SCYL3: variants seen among roughly 807,000 people sequenced by gnomAD.
SCYL3 encodes SCY1 like pseudokinase 3.
In SCYL3, 35 loss-of-function variants were observed where a neutral mutation model predicts 73.8. The ratio of observed to expected loss-of-function variants is 0.47; its 90% CI spans 0.36 to 0.63. SCYL3 has a LOEUF of 0.63. Among genes scored for constraint, SCYL3 ranks in the 20% least tolerant of loss-of-function variants. The pLI is 0.00. For synonymous variants in SCYL3, 277 were observed against 295.2 expected (o/e 0.94, Z 0.63); for missense variants, 712 against 798.9 (o/e 0.89, Z 1.31).
At chr1:169,856,725 C>T (rs942036789) in intron 11 of SCYL3, among the ~76,000 whole-genome samples, 7 of 152,164 alleles carry the variant, frequency 4.6e-5, no homozygotes, top group Non-Finnish European at 8.8e-5. Context: ...CTCTTTCAGG[C>T]AGACTTAATT....
chr1:169,888,938 A>G (rs1661866158), intron 1 of SCYL3, 48 bp from the exon 2 acceptor site: 1 of 1,115,400 alleles, frequency 9.0e-7, no homozygotes, highest in Admixed American at 3.0e-5. Context: ...CCTATCTGCA[A>G]CATCAACAAG....
intron 5 of SCYL3, among the ~76,000 whole-genome samples, chr1:169,871,476 CT>C (rs1660392244): frequency 6.6e-6 from 1 of 152,196 alleles, no homozygotes; most frequent in Non-Finnish European, 1.5e-5. Context: ...ATTGCCCAGT[CT>C]TGGGTATGTC....
At chr1:169,860,680 A>G (rs536898549) in intron 10 of SCYL3, among the ~76,000 whole-genome samples, 45 of 152,366 alleles carry the variant, frequency 3.0e-4, no homozygotes, top group African/African-American at 1.0e-3. Flanking sequence ...CCCACTGAAT[A>G]TGATAATCAT....
chr1:169,853,640 G>C lies in SCYL3; in HGVS notation c.*73C>G. On this transcript the variant is annotated 3_prime_UTR_variant, in exon 13 of 13. Transcript: ENST00000367771. ...CACTTTGGGGTTTTCTTGTCCCAAA[G>C]CCTGCTTTTGAGGTATTGATTTTTT... The C allele has an allele frequency of 1.3e-6, 2 of 1,531,544 alleles. No homozygotes were observed. Among genetic ancestry groups the C allele is most frequent in the Non-Finnish European group, 9.0e-7 (1 of 1,115,286 alleles). 94.9% of individuals were successfully genotyped at this position (1,531,544 alleles called of 1,614,324 possible).
At chr1:169,855,568 G>C (rs748534476) in intron 11 of SCYL3, among the ~76,000 whole-genome samples, 4 of 152,166 alleles carry the variant, frequency 2.6e-5, no homozygotes, top group Non-Finnish European at 5.9e-5. Context: ...TCAAAGTAAA[G>C]TATCAGTGCA....
intron 5 of SCYL3, among the ~76,000 whole-genome samples, chr1:169,871,363 T>C (rs1297170688): frequency 6.6e-6 from 1 of 152,148 alleles, no homozygotes; most frequent in African/African-American, 2.4e-5. Context: ...AAGGGGAGTT[T>C]CCCTGCATAA....
chr1:169,867,143 C>T (rs939573322), intron 7 of SCYL3, among the ~76,000 whole-genome samples, 170 bp from the exon 8 acceptor site: 5 of 152,166 alleles, frequency 3.3e-5, no homozygotes, highest in African/African-American at 1.2e-4. Flanking sequence ...CTATGGAACA[C>T]GCCTCTGAAA....
At chr1:169,879,031 C>A (rs541573811) in intron 2 of SCYL3, among the ~76,000 whole-genome samples, 1 of 152,196 alleles carries the variant, frequency 6.6e-6, no homozygotes, top group Admixed American at 6.5e-5. Flanking sequence ...AATGGCTCTA[C>A]AGAAATTTCC....
At chr1:169,856,145 A>G (rs1659137443) in intron 11 of SCYL3, among the ~76,000 whole-genome samples, 1 of 152,198 alleles carries the variant, frequency 6.6e-6, no homozygotes. Context: ...GCCTGTCCCT[A>G]GAGGTGTTTA....
At chr1:169,856,649 ATCC>A (rs932715985) in intron 11 of SCYL3, among the ~76,000 whole-genome samples, 74 of 152,146 alleles carry the variant, frequency 4.9e-4, no homozygotes, top group African/African-American at 1.6e-3. Context: ...TTGTGCCACT[ATCC>A]TCCTTGAAGT....
intron 7 of SCYL3, 67 bp downstream of exon 7, chr1:169,868,861 T>C: frequency 3.4e-6 from 4 of 1,166,430 alleles, no homozygotes; most frequent in Non-Finnish European, 5.1e-6. Flanking sequence ...CTGCCACTTA[T>C]CCAAGGCACA....
chr1:169,867,805 T>C (rs12135642), intron 7 of SCYL3, among the ~76,000 whole-genome samples: 10,140 of 152,254 alleles, frequency 0.067, 433 homozygotes, highest in Non-Finnish European at 0.099. Context: ...CAGGTACGGT[T>C]TGTGTGTTTT....
At chr1:169,878,511 C>T in intron 3 of SCYL3, 123 bp downstream of exon 3, 6 of 871,316 alleles carry the variant, frequency 6.9e-6, no homozygotes, top group Non-Finnish European at 1.0e-5. Context: ...AGGAAGTTTT[C>T]TAATAATAAC....
intron 8 of SCYL3, among the ~76,000 whole-genome samples, chr1:169,865,712 C>T (rs973727616): frequency 1.4e-4 from 21 of 152,246 alleles, no homozygotes; most frequent in African/African-American, 4.8e-4. Flanking sequence ...TGCACTCTCA[C>T]TGCTGGAACA....
At chr1:169,882,912 G>A (rs1661398659) in intron 2 of SCYL3, among the ~76,000 whole-genome samples, 1 of 152,146 alleles carries the variant, frequency 6.6e-6, no homozygotes, top group South Asian at 2.1e-4. Context: ...CCGGATAAGA[G>A]AATAAAAGCA....
chr1:169,876,852 G>A (rs1660866386), intron 3 of SCYL3, among the ~76,000 whole-genome samples: 2 of 151,428 alleles, frequency 1.3e-5, no homozygotes, highest in African/African-American at 4.9e-5. Context: ...CTACTCGGGA[G>A]GCTGAGACAG....
rs869158038 is a variant in SCYL3, at chr1:169,850,980, C to CTTTTTTTTTTTTTTTT, written c.*2717_*2732dup. Reference sequence around the variant, plus strand: ...TATTTTGGGTATAATTTAGGCATGGCTTTTTTTTTTTTTTTTTTTTTTTTT... The same window carrying CTTTTTTTTTTTTTTTT: ...TATTTTGGGTATAATTTAGGCATGGCTTTTTTTTTTTTTTTTTTTTTTTTTTTTTTTTTTTTTTTTT... On this transcript the variant is annotated 3_prime_UTR_variant, in exon 13 of 13. Coordinates refer to ENST00000367771, the MANE Select transcript of SCYL3 (RefSeq NM_020423.7). The CTTTTTTTTTTTTTTTT allele has an allele frequency of 3.5e-4, 11 of 31,580 alleles. 1 individual carries two copies. The highest frequency in any genetic ancestry group is 1.4e-3 in the East Asian group (1 of 726). The allele number at this position is 31,580 out of a possible 1,614,324, so 2.0% of individuals were successfully genotyped here.
At chr1:169,890,746 C>A (rs1662026556) in intron 1 of SCYL3, among the ~76,000 whole-genome samples, 1 of 152,208 alleles carries the variant, frequency 6.6e-6, no homozygotes, top group Non-Finnish European at 1.5e-5. Context: ...TTCCTACCTA[C>A]CTGGCAATGT....
intron 11 of SCYL3, 70 bp downstream of exon 11, chr1:169,858,971 C>T (rs1484291107): frequency 2.3e-5 from 31 of 1,357,760 alleles, no homozygotes; most frequent in Non-Finnish European, 2.7e-5. Context: ...GACCCTCCTA[C>T]ATTACTTATA....
Sources: allele counts gnomAD v4.1 joint callset (sites outside exome capture counted in the v4.1 genomes callset), GRCh38; gene constraint gnomAD v4.1.1; transcripts MANE v1.5; gene names NCBI Gene and HGNC (gene_info 2026-07-23, HGNC 2026-07-21).